The following FRYL variants were observed in gnomAD, a reference collection of about 807,000 sequenced individuals.
FRYL encodes the protein FRY like transcription coactivator.
Under a neutral mutation model 351.2 loss-of-function variants are expected in FRYL, and 150 were observed. The ratio of observed to expected loss-of-function variants is 0.43; its 90% CI spans 0.37 to 0.49. The LOEUF is 0.49. Ranked by LOEUF, FRYL falls within the 20% of genes least tolerant of loss-of-function variation. FRYL has a pLI of 0.00. For synonymous variants in FRYL, 1,153 were observed against 1,257.1 expected, an observed-to-expected ratio of 0.92 and a Z score of 1.75; for missense variants, 3,036 against 3,619.3, an observed-to-expected ratio of 0.84 and a Z score of 4.13.
Position 48,568,962 on chromosome 4 carries a change from T to G in FRYL, c.2997-1542A>C, listed in dbSNP as rs76655157. ...TTCTTGGCATTCAGAATTCATTTTT[T>G]TCCGTAGCCATGAAAATTTAAAAAT... is the stretch of plus-strand genomic sequence containing the variant. On this transcript the variant is annotated intron_variant, in intron 27 of 63. Transcript: ENST00000358350. 4.4e-3 allele frequency among the ~76,000 whole-genome samples: 665 copies of G among 152,338 alleles called. 3 individuals carry two copies. The highest frequency in any genetic ancestry group is 6.8e-3 in the Middle Eastern group (2 of 294).
chr4:48,643,118 A>G (rs2149399719), intron 3 of FRYL, among the ~76,000 whole-genome samples: 1 of 152,338 alleles, frequency 6.6e-6, no homozygotes, highest in South Asian at 2.1e-4. Context: ...GCGAATCAAC[A>G]CAAAATAGTC....
rs1734078208 is a variant in FRYL at position 48,556,147 on chromosome 4, G to A, written c.4266+831C>T. Among the ~76,000 whole-genome samples the A allele has an allele frequency of 3.3e-5, 5 of 152,114 alleles. No homozygotes were observed. The South Asian group carries it at 8.3e-4, about 25-fold the overall frequency. On this transcript the variant is annotated intron_variant, in intron 35 of 63. Coordinates refer to ENST00000358350, the MANE Select transcript of FRYL (RefSeq NM_015030.2). ...TGACCTCAGGTGATCCGCCTGCCTC[G>A]GCCTCCCAAAGTGCTGGAATTATAG...
At chr4:48,675,109 G>T (rs973438603) in intron 3 of FRYL, among the ~76,000 whole-genome samples, 3 of 152,084 alleles carry the variant, frequency 2.0e-5, no homozygotes, top group Non-Finnish European at 4.4e-5. Flanking sequence ...GTGCAGTGGC[G>T]CAATCTCGGC....
chr4:48,603,520 T>G (rs375663133), intron 11 of FRYL, 132 bp from the exon 12 acceptor site: 1 of 646,198 alleles, frequency 1.5e-6, no homozygotes, highest in Admixed American at 2.9e-5. Context: ...AGTACTACAA[T>G]GTGCCAAGTG....
intron 1 of FRYL, among the ~76,000 whole-genome samples, chr4:48,755,535 C>T (rs1228494887): frequency 1.3e-5 from 2 of 152,122 alleles, no homozygotes; most frequent in Admixed American, 6.5e-5. Flanking sequence ...TCCCCCTTGT[C>T]AGAGAGAAAC....
In FRYL at chr4:48,634,495, A is replaced by C. The variant is rs776472022; in HGVS notation, c.-80-5T>G. 1.9e-6 allele frequency: 3 copies of C among 1,605,218 alleles called. No homozygotes were observed. The highest frequency in any genetic ancestry group is 1.7e-6 in the Non-Finnish European group (2 of 1,175,052). ...CTTTGCTGACTGGCGCTGAAGCTAA[A>C]AGTAAAAGAAACAAAAGAACTCTAC... is the stretch of plus-strand genomic sequence containing the variant. On this transcript the variant is annotated splice_polypyrimidine_tract_variant and splice_region_variant and intron_variant, in intron 3 of 63. Transcript: ENST00000358350.
chr4:48,559,395 T>A (rs1398050439), intron 33 of FRYL, among the ~76,000 whole-genome samples: 2 of 150,472 alleles, frequency 1.3e-5, no homozygotes, highest in African/African-American at 4.9e-5. Context: ...CTAGTAACAC[T>A]AACACTTAAG....
intron 4 of FRYL, among the ~76,000 whole-genome samples, chr4:48,623,789 G>A (rs935866189): frequency 3.3e-5 from 5 of 151,794 alleles, no homozygotes; most frequent in African/African-American, 7.2e-5. Flanking sequence ...AACCTCACTC[G>A]TAAGAGAAAT....
intron 3 of FRYL, among the ~76,000 whole-genome samples, chr4:48,653,449 A>G (rs1758133909): frequency 6.6e-6 from 1 of 151,880 alleles, no homozygotes; most frequent in Non-Finnish European, 1.5e-5. Context: ...TAATTGCGAG[A>G]AACTTTGCCA....
At chr4:48,779,206 C>T (rs1056602951) in intron 1 of FRYL, among the ~76,000 whole-genome samples, 6 of 152,230 alleles carry the variant, frequency 3.9e-5, no homozygotes, top group African/African-American at 1.2e-4. Flanking sequence ...AACCTGCCGC[C>T]CGGAAGCAAC....
chr4:48,606,497 A>T lies in FRYL; in HGVS notation c.682T>A (p.Phe228Ile). Residue 228 changes from phenylalanine to isoleucine, a missense_variant, in exon 10 of 64, where the codon TTT becomes ATT. Coordinates refer to ENST00000358350, the MANE Select transcript of FRYL (RefSeq NM_015030.2). ...SVISLIMGMK[F>I]FRVKMYPVED... ...ACAGGATACATTTTTACTCGAAAAAATTTCATTCCCATTATTAAGCTGATG... is the reference window on the plus strand; with the variant it reads ...ACAGGATACATTTTTACTCGAAAAATTTTCATTCCCATTATTAAGCTGATG... 1 of 1,612,824 alleles carries T rather than the reference A, an allele frequency of 6.2e-7. No homozygotes were observed. The highest frequency in any genetic ancestry group is 8.5e-7 in the Non-Finnish European group (1 of 1,179,092).
chr4:48,706,743 C>T (rs1250833082), intron 2 of FRYL, among the ~76,000 whole-genome samples: 1 of 152,258 alleles, frequency 6.6e-6, no homozygotes, highest in East Asian at 1.9e-4. Flanking sequence ...TGGTTTCCAT[C>T]TTGGATGCCC....
At chr4:48,683,967 A>G (rs1315797823) in intron 3 of FRYL, among the ~76,000 whole-genome samples, 1 of 152,176 alleles carries the variant, frequency 6.6e-6, no homozygotes, top group Non-Finnish European at 1.5e-5. Flanking sequence ...TATGAAGCCC[A>G]GAAACACAGT....
At position 48,515,157 on chromosome 4, in the gene FRYL, G is replaced by A; in HGVS notation, c.7808C>T (p.Thr2603Ile). 1.9e-6 allele frequency: 3 copies of A among 1,613,960 alleles called. No homozygotes were observed. The highest frequency in any genetic ancestry group is 1.3e-5 in the African/African-American group (1 of 74,998). ...VCQGILDLEE[T>I]EMPEPLAPES... is the part of the protein sequence containing the mutation. Reference sequence around the variant, plus strand: ...AGGAGCTAGAGGCTCTGGCATTTCAGTTTCTTCTAAATCAAGAATTCCTTG... The same window carrying A: ...AGGAGCTAGAGGCTCTGGCATTTCAATTTCTTCTAAATCAAGAATTCCTTG... Residue 2603 changes from threonine to isoleucine, a missense_variant, in exon 56 of 64, where the codon ACT (threonine) becomes ATT (isoleucine). By Grantham distance (89) the Thr-to-Ile change is moderately conservative. This residue lies in a region of FRYL where 1,987 missense variants were observed against 2,311.7 expected (regional missense o/e 0.86). Coordinates refer to ENST00000358350, the MANE Select transcript of FRYL (RefSeq NM_015030.2).
At chr4:48,757,874 G>C (rs1420289993) in intron 1 of FRYL, among the ~76,000 whole-genome samples, 2 of 152,262 alleles carry the variant, frequency 1.3e-5, no homozygotes, top group East Asian at 3.9e-4. Context: ...CATGGTACTG[G>C]TACCAAAACA....
At chr4:48,560,666 C>A (rs4235155) in intron 33 of FRYL, among the ~76,000 whole-genome samples, 1 of 152,170 alleles carries the variant, frequency 6.6e-6, no homozygotes, top group Non-Finnish European at 1.5e-5. Flanking sequence ...AGGGCTGTCA[C>A]GGATGCGGGG....
intron 9 of FRYL, among the ~76,000 whole-genome samples, chr4:48,608,101 T>A (rs1747249016): frequency 1.3e-5 from 2 of 152,170 alleles, no homozygotes; most frequent in Admixed American, 6.5e-5. Flanking sequence ...TAAAAAATTA[T>A]CATCTATATC....
Position 48,586,693 on chromosome 4 carries a change from G to A in FRYL, c.1676C>T (p.Thr559Ile). Reference sequence around the variant, plus strand: ...CAACCTTGGAATCGCAGCAATACAAGTTCTAAACAAATCAATCTTGGGTTT... The same window carrying A: ...CAACCTTGGAATCGCAGCAATACAAATTCTAAACAAATCAATCTTGGGTTT... ...ERKPKIDLFR[T>I]CIAAIPRLIP... is the part of the protein sequence containing the mutation. Residue 559 changes from threonine (T) to isoleucine (I), a missense_variant, in exon 19 of 64, where the codon ACT becomes ATT. This residue lies in a region of FRYL where 78 missense variants were observed against 106.6 expected (regional missense o/e 0.73). Coordinates refer to ENST00000358350, the MANE Select transcript of FRYL (RefSeq NM_015030.2). 1 of 1,610,230 alleles carries A rather than the reference G, an allele frequency of 6.2e-7. No homozygotes were observed. Among genetic ancestry groups the A allele is most frequent in the Non-Finnish European group, 8.5e-7 (1 of 1,178,546 alleles).
chr4:48,749,008 A>C (rs1317154889), intron 1 of FRYL, among the ~76,000 whole-genome samples: 2 of 152,220 alleles, frequency 1.3e-5, no homozygotes, highest in Non-Finnish European at 2.9e-5. Context: ...AAGTGGAAAC[A>C]TATCTGGCAT....
Sources: gnomAD v4.1 joint callset for allele counts (sites outside exome capture counted in the v4.1 genomes callset) on GRCh38, gnomAD v4.1.1 for gene constraint, gnomAD v4.1.1 regional missense constraint, MANE v1.5 for transcripts, NCBI Gene and HGNC (gene_info 2026-07-23, HGNC 2026-07-21) for gene names.